The following TCEA1 variants were observed in gnomAD, a reference collection of about 807,000 sequenced individuals.
TCEA1 encodes transcription elongation factor A protein 1.
TCEA1 carries 21 observed loss-of-function variants against 43.8 expected under a neutral mutation model. The ratio of observed to expected loss-of-function variants is 0.48; its 90% CI spans 0.34 to 0.69. The LOEUF (loss-of-function observed/expected upper bound fraction) is 0.69. Among genes scored for constraint, TCEA1 ranks in the 30% least tolerant of loss-of-function variants. The pLI is 0.01. For missense variants in TCEA1, 250 were observed against 365.1 expected (o/e 0.68, Z 2.57); for synonymous variants, 104 against 117.5 (o/e 0.88, Z 0.75).
rs140433206 is a variant in TCEA1 at position 53,993,679 on chromosome 8, T to G, written c.309A>C (p.Ala103=). 1.0e-3 allele frequency: 1,652 copies of G among 1,612,936 alleles called. 18 individuals are homozygous for G. In the African/African-American group the frequency reaches 0.02, roughly 19 times the overall value. The change falls in exon 4 of 10, where the codon GCA becomes GCC. Residue 103 remains alanine, a synonymous_variant. Coordinates refer to ENST00000521604, the MANE Select transcript of TCEA1 (RefSeq NM_006756.4). ...ATACTGTGAAGTACCTTTCTTCTCT[T>G]GCCTCAGGGCTGTTCTGCGATGTAA... The part of the protein sequence containing the change: ...PAITSQNSPE[A]REESTSSGNV...
intron 2 of TCEA1, among the ~76,000 whole-genome samples, chr8:54,000,805 C>G (rs1445837705): frequency 6.7e-6 from 1 of 148,490 alleles, no homozygotes; most frequent in East Asian, 2.0e-4. Context: ...GTCACCCAGG[C>G]TGGAGTGCAG....
chr8:54,001,374 A>C (rs1395435739), intron 2 of TCEA1, among the ~76,000 whole-genome samples: 1 of 152,160 alleles, frequency 6.6e-6, no homozygotes, highest in African/African-American at 2.4e-5. Flanking sequence ...CCTCTCAACA[A>C]ACAGATTCAG....
intron 8 of TCEA1, among the ~76,000 whole-genome samples, chr8:53,977,886 C>T (rs1045466202): frequency 2.0e-5 from 3 of 151,968 alleles, no homozygotes; most frequent in Non-Finnish European, 2.9e-5. Flanking sequence ...TGTGGAGGAG[C>T]GTGAAGAACT....
intron 1 of TCEA1, among the ~76,000 whole-genome samples, 193 bp from the exon 2 acceptor site, chr8:54,010,685 T>C (rs1332790904): frequency 5.3e-5 from 8 of 152,248 alleles, no homozygotes; most frequent in Admixed American, 4.6e-4. Flanking sequence ...TTTCATCTAA[T>C]TGAATATATT....
At chr8:53,989,882 G>A (rs183294056) in intron 4 of TCEA1, among the ~76,000 whole-genome samples, 1 of 151,942 alleles carries the variant, frequency 6.6e-6, no homozygotes, top group Non-Finnish European at 1.5e-5. Flanking sequence ...CAATCCTCCT[G>A]CCTCAGCCTC....
intron 2 of TCEA1, among the ~76,000 whole-genome samples, chr8:54,005,232 T>G (rs551480761): frequency 6.6e-6 from 1 of 152,234 alleles, no homozygotes; most frequent in Non-Finnish European, 1.5e-5. Flanking sequence ...GCTGTTTACA[T>G]ATATGGCTAT....
chr8:53,971,780 G>A, intron 8 of TCEA1: 1 of 236,400 alleles, frequency 4.2e-6, no homozygotes, highest in South Asian at 5.6e-5. Flanking sequence ...AAAAACTCCA[G>A]ACTAAAAAAG....
intron 1 of TCEA1, among the ~76,000 whole-genome samples, chr8:54,012,962 CAA>C (rs72062714): frequency 0.023 from 1,753 of 76,968 alleles, 22 homozygotes; most frequent in Non-Finnish European, 0.032. Flanking sequence ...ACGACGACGA[CAA>C]AAAAAAAAAA....
intron 6 of TCEA1, among the ~76,000 whole-genome samples, chr8:53,985,205 C>T (rs1383652561): frequency 6.6e-6 from 1 of 151,988 alleles, no homozygotes; most frequent in African/African-American, 2.4e-5. Flanking sequence ...TTAGTAGAGA[C>T]GGGGTTTCAC....
chr8:53,974,144 C>A, intron 8 of TCEA1: 2 of 155,552 alleles, frequency 1.3e-5, no homozygotes, highest in South Asian at 4.0e-4. Context: ...CCTGCCTTGT[C>A]AATGTTTATT....
At chr8:54,007,662 A>G (rs956629586) in intron 2 of TCEA1, among the ~76,000 whole-genome samples, 3 of 152,220 alleles carry the variant, frequency 2.0e-5, no homozygotes, top group African/African-American at 7.2e-5. Flanking sequence ...GAAATATTCA[A>G]TTTCAGTTAG....
chr8:54,007,987 G>A (rs1466885267), intron 2 of TCEA1, among the ~76,000 whole-genome samples: 1 of 151,818 alleles, frequency 6.6e-6, no homozygotes, highest in East Asian at 1.9e-4. Flanking sequence ...TTTGAGACCA[G>A]CCTGGCCAAC....
At chr8:53,994,684 T>C (rs921900359) in intron 3 of TCEA1, among the ~76,000 whole-genome samples, 5 of 151,498 alleles carry the variant, frequency 3.3e-5, no homozygotes, top group Non-Finnish European at 7.4e-5. Context: ...CTGGTTAACA[T>C]GGTAAAACCC....
intron 8 of TCEA1, chr8:53,972,698 A>C (rs1179179007): frequency 7.7e-6 from 5 of 647,928 alleles, no homozygotes; most frequent in Admixed American, 5.5e-5. Context: ...AAGATGCCCC[A>C]AAAAAGGACT....
intron 2 of TCEA1, among the ~76,000 whole-genome samples, chr8:54,002,016 C>G (rs369951801): frequency 2.0e-5 from 3 of 149,692 alleles, no homozygotes; most frequent in Admixed American, 6.7e-5. Flanking sequence ...AAACAAAAAA[C>G]AAATTAGCTG....
rs1297226055 is a variant in TCEA1 at position 53,980,656 on chromosome 8, T to TC, written c.679-1486dup. Among the ~76,000 whole-genome samples the TC allele has an allele frequency of 3.9e-5, 6 of 152,270 alleles. No homozygotes were observed. The South Asian group carries it at 1.0e-3, about 26-fold the overall frequency. On this transcript the variant is annotated intron_variant, in intron 7 of 9. Coordinates refer to ENST00000521604, the MANE Select transcript of TCEA1 (RefSeq NM_006756.4). ...TGTGTGTTCCGACTGCTCCACTCTT[T>TC]CCCCGTCTCTCTTCCTCTCCTTGGG...
rs1431236678 is a variant in TCEA1 at position 53,966,737 on chromosome 8, A to C, written c.*1367T>G. Reference sequence around the variant, plus strand: ...GTTGGTACCAGTGGGCCAATTCTTAACACGGACATTTAAAAATGCTGCTTT... The same window carrying C: ...GTTGGTACCAGTGGGCCAATTCTTACCACGGACATTTAAAAATGCTGCTTT... On this transcript the variant is annotated 3_prime_UTR_variant, in exon 10 of 10. Coordinates refer to ENST00000521604, the MANE Select transcript of TCEA1 (RefSeq NM_006756.4). 5.0e-6 allele frequency: 1 copy of C among 200,318 alleles called. No individual in the cohort carries two copies. The highest frequency in any genetic ancestry group is 1.0e-5 in the Non-Finnish European group (1 of 97,478). 12.4% of individuals were successfully genotyped at this position (200,318 alleles called of 1,614,324 possible).
chr8:53,971,775 C>T (rs1386518840), intron 8 of TCEA1: 1 of 237,668 alleles, frequency 4.2e-6, no homozygotes, highest in East Asian at 1.5e-4. Context: ...GAAGAAAAAA[C>T]TCCAGACTAA....
intron 8 of TCEA1, among the ~76,000 whole-genome samples, chr8:53,977,418 C>T (rs141027803): frequency 6.6e-6 from 1 of 152,238 alleles, no homozygotes; most frequent in East Asian, 1.9e-4. Context: ...GGAGGGAGAA[C>T]GAGGTGGCCA....
Sources: allele counts gnomAD v4.1 joint callset (sites outside exome capture counted in the v4.1 genomes callset), GRCh38; gene constraint gnomAD v4.1.1; transcripts MANE v1.5; gene names NCBI Gene and HGNC (gene_info 2026-07-23, HGNC 2026-07-21).